Variants in ERBB4 observed in about 807,000 individuals in gnomAD.
ERBB4 encodes the protein erb-b2 receptor tyrosine kinase 4, also known as receptor tyrosine-protein kinase erbB-4.
In ERBB4, 42 loss-of-function variants were observed where a neutral mutation model predicts 158.0. That is an observed-to-expected ratio of 0.27 (90% confidence interval 0.21 to 0.34). The LOEUF is 0.34. ERBB4 is among the 10% of genes least tolerant of loss of function. The probability of loss-of-function intolerance (pLI) is 1.00; values close to 1 mark genes in which losing one functional copy is unlikely to be tolerated. For missense variants in ERBB4, 1,333 were observed against 1,624.1 expected, an observed-to-expected ratio of 0.82 and a Z score of 3.08; for synonymous variants, 583 against 558.7, an observed-to-expected ratio of 1.04 and a Z score of -0.61.
At chr2:212,160,119 A>G (rs2081159965) in intron 1 of ERBB4, among the ~76,000 whole-genome samples, 1 of 151,962 alleles carries the variant, frequency 6.6e-6, no homozygotes, top group Non-Finnish European at 1.5e-5. Flanking sequence ...TGATTTTAGC[A>G]TAACCCTTTC....
intron 12 of ERBB4, among the ~76,000 whole-genome samples, chr2:211,693,015 A>G (rs1399756440): frequency 1.3e-5 from 2 of 152,164 alleles, no homozygotes; most frequent in Admixed American, 6.5e-5. Flanking sequence ...CCCCTTCCCC[A>G]TGTTGAATAG....
At chr2:211,831,526 T>C (rs1034855622) in intron 3 of ERBB4, among the ~76,000 whole-genome samples, 1 of 152,164 alleles carries the variant, frequency 6.6e-6, no homozygotes, top group Non-Finnish European at 1.5e-5. Context: ...ATGACTGTTA[T>C]CTAAGAAAAA....
intron 20 of ERBB4, among the ~76,000 whole-genome samples, chr2:211,481,129 G>A (rs1319251923): frequency 6.6e-6 from 1 of 152,028 alleles, no homozygotes; most frequent in Admixed American, 6.6e-5. Flanking sequence ...ATCCCATTAA[G>A]AGGTCATAGA....
chr2:211,982,699 T>C (rs1387520933), intron 2 of ERBB4, among the ~76,000 whole-genome samples: 1 of 152,228 alleles, frequency 6.6e-6, no homozygotes, highest in Non-Finnish European at 1.5e-5. Context: ...TGACCCTTTA[T>C]CCTTGGCCAG....
At chr2:211,757,619 C>T (rs113927562) in intron 4 of ERBB4, among the ~76,000 whole-genome samples, 2,763 of 152,174 alleles carry the variant, frequency 0.018, 31 homozygotes, top group Middle Eastern at 0.031. Flanking sequence ...TTCCATCTAC[C>T]CCTCCCTCAG....
intron 3 of ERBB4, among the ~76,000 whole-genome samples, chr2:211,828,563 T>C (rs886097877): frequency 7.1e-6 from 1 of 141,568 alleles, no homozygotes; most frequent in African/African-American, 2.6e-5. Flanking sequence ...AAGATGATTA[T>C]TTTTACATTT....
intron 20 of ERBB4, among the ~76,000 whole-genome samples, chr2:211,516,545 G>T (rs955086473): frequency 1.3e-4 from 19 of 151,820 alleles, no homozygotes; most frequent in Admixed American, 8.5e-4. Flanking sequence ...ATTTTGCCCA[G>T]GCTGGTCTTG....
At chr2:211,474,103 A>G (rs2064896580) in intron 20 of ERBB4, among the ~76,000 whole-genome samples, 1 of 152,066 alleles carries the variant, frequency 6.6e-6, no homozygotes, top group African/African-American at 2.4e-5. Flanking sequence ...TCTCTCACTT[A>G]TGAAGTATTT....
At chr2:211,429,894 A>G (rs1350159269) in intron 21 of ERBB4, among the ~76,000 whole-genome samples, 2 of 152,170 alleles carry the variant, frequency 1.3e-5, no homozygotes, top group Non-Finnish European at 2.9e-5. Flanking sequence ...GACAAATCTT[A>G]TGTCTCAAAT....
intron 1 of ERBB4, among the ~76,000 whole-genome samples, chr2:212,195,889 T>C (rs1559718450): frequency 1.3e-5 from 2 of 152,262 alleles, no homozygotes; most frequent in East Asian, 1.9e-4. Flanking sequence ...TATGTCATAA[T>C]TGAGGAATAG....
rs1443869832 is a variant in ERBB4, at chr2:212,188,234, C to CTCTCTCTCTCT, written c.83-63332_83-63331insAGAGAGAGAGA. Reference sequence around the variant, plus strand: ...TCTCTCTCTCTCTCTCTCTCTCTCTCCCCCCCCCTCTCACCCCCTCCCTCC... The same window carrying CTCTCTCTCTCT: ...TCTCTCTCTCTCTCTCTCTCTCTCTCTCTCTCTCTCTCCCCCCCCTCTCACCCCCTCCCTCC... On this transcript the variant is annotated intron_variant, in intron 1 of 27. Transcript: ENST00000342788. Among the ~76,000 whole-genome samples the CTCTCTCTCTCT allele has an allele frequency of 4.1e-4, 10 of 24,102 alleles. 1 individual carries two copies. Among genetic ancestry groups the CTCTCTCTCTCT allele is most frequent in the Non-Finnish European group, 6.1e-4 (7 of 11,536 alleles). The allele number at this position is 24,102 out of a possible 152,430, so 15.8% of individuals were successfully genotyped here.
At chr2:212,334,960 C>A (rs2088356855) in intron 1 of ERBB4, among the ~76,000 whole-genome samples, 1 of 151,808 alleles carries the variant, frequency 6.6e-6, no homozygotes, top group South Asian at 2.1e-4. Context: ...ATCACTATAT[C>A]AGGGTTTATA....
At chr2:211,898,847 T>G (rs1365367727) in intron 3 of ERBB4, among the ~76,000 whole-genome samples, 2 of 152,178 alleles carry the variant, frequency 1.3e-5, no homozygotes, top group African/African-American at 4.8e-5. Flanking sequence ...ATTCAAAGTA[T>G]GGGACCTACA....
chr2:211,745,410 A>AAG (rs567926434), intron 5 of ERBB4, among the ~76,000 whole-genome samples: 2 of 151,932 alleles, frequency 1.3e-5, no homozygotes, highest in Admixed American at 6.6e-5. Context: ...AGCTCAGACT[A>AAG]AGAGAGAGAG....
At chr2:212,179,530 G>T (rs1521646) in intron 1 of ERBB4, among the ~76,000 whole-genome samples, 1 of 151,168 alleles carries the variant, frequency 6.6e-6, no homozygotes, top group Non-Finnish European at 1.5e-5. Context: ...ATATTAACAC[G>T]GAGTAGAAAA....
rs568845600 is a variant in ERBB4 at position 211,573,933 on chromosome 2, A to G, written c.2302-11845T>C. On this transcript the variant is annotated intron_variant, in intron 19 of 27. Transcript: ENST00000342788. ...ACCAAATCTTTAGTTTGGATAAGCT[A>G]TAGTAGTCTAATCTAAATGATGCAG... 2.0e-4 allele frequency among the ~76,000 whole-genome samples: 31 copies of G among 152,290 alleles called. No individual in the cohort carries two copies. The South Asian group carries it at 5.2e-3, about 25-fold the overall frequency.
At chr2:211,920,236 G>A (rs2079821246) in intron 3 of ERBB4, among the ~76,000 whole-genome samples, 1 of 151,922 alleles carries the variant, frequency 6.6e-6, no homozygotes, top group Non-Finnish European at 1.5e-5. Context: ...GGCTTATTGT[G>A]CGTCTGAGAG....
intron 3 of ERBB4, among the ~76,000 whole-genome samples, chr2:211,923,942 G>A (rs1388437106): frequency 7.9e-5 from 12 of 152,020 alleles, no homozygotes; most frequent in East Asian, 1.9e-4. Context: ...GGCTGGTCTC[G>A]AACTCCTGGC....
intron 1 of ERBB4, among the ~76,000 whole-genome samples, chr2:212,509,253 T>G (rs1330700097): frequency 6.6e-6 from 1 of 152,096 alleles, no homozygotes; most frequent in Non-Finnish European, 1.5e-5. Context: ...TGAAAATATG[T>G]GAGAGTAAAT....
Sources: gnomAD v4.1 joint callset for allele counts (sites outside exome capture counted in the v4.1 genomes callset) on GRCh38, gnomAD v4.1.1 for gene constraint, MANE v1.5 for transcripts, NCBI Gene and HGNC (gene_info 2026-07-23, HGNC 2026-07-21) for gene names.